Variants in ANO3 observed in about 807,000 individuals in gnomAD.
ANO3 encodes anoctamin 3.
In ANO3, 99 loss-of-function variants were observed where a neutral mutation model predicts 144.8. The observed-to-expected ratio is 0.68, with a 90% CI of 0.58 to 0.81. The LOEUF (loss-of-function observed/expected upper bound fraction) is 0.81, where lower values mean the gene tolerates loss of function less well. ANO3 is among the 30% of genes least tolerant of loss of function. ANO3 has a pLI of 0.00. For synonymous variants in ANO3, 414 were observed against 392.6 expected, an observed-to-expected ratio of 1.05 and a Z score of -0.64; for missense variants, 905 against 1,202.2, an observed-to-expected ratio of 0.75 and a Z score of 3.66.
At chr11:26,378,180 G>A (rs1284015721) in intron 1 of ANO3, among the ~76,000 whole-genome samples, 3 of 151,498 alleles carry the variant, frequency 2.0e-5, no homozygotes, top group Non-Finnish European at 4.4e-5. Flanking sequence ...TCTTGGGCTG[G>A]TAAATAAATA....
At chr11:26,389,880 T>A (rs1480780309) in intron 1 of ANO3, among the ~76,000 whole-genome samples, 1 of 152,140 alleles carries the variant, frequency 6.6e-6, no homozygotes, top group Non-Finnish European at 1.5e-5. Flanking sequence ...GATGTATTTT[T>A]AATATATAAT....
At chr11:26,224,204 G>A (rs897127565) in intron 1 of ANO3, among the ~76,000 whole-genome samples, 1 of 152,134 alleles carries the variant, frequency 6.6e-6, no homozygotes, top group African/African-American at 2.4e-5. Context: ...AGGCACTGGG[G>A]CACACACCAA....
intron 1 of ANO3, among the ~76,000 whole-genome samples, chr11:26,201,559 G>A (rs1851693025): frequency 6.6e-6 from 1 of 151,952 alleles, no homozygotes; most frequent in Non-Finnish European, 1.5e-5. Context: ...CATATGAAGA[G>A]CTGACTGACT....
At chr11:26,541,169 A>G (rs747166902) in intron 10 of ANO3, among the ~76,000 whole-genome samples, 4 of 152,186 alleles carry the variant, frequency 2.6e-5, no homozygotes, top group African/African-American at 7.2e-5. Context: ...GCTGGAAACC[A>G]TCATTCTCAG....
chr11:26,210,477 G>A (rs1005239192), intron 1 of ANO3, among the ~76,000 whole-genome samples: 1 of 152,078 alleles, frequency 6.6e-6, no homozygotes, highest in Non-Finnish European at 1.5e-5. Context: ...GCTCTTTTTG[G>A]TTCCATATAA....
At chr11:26,288,230 T>C (rs1304604134) in intron 1 of ANO3, among the ~76,000 whole-genome samples, 2 of 152,086 alleles carry the variant, frequency 1.3e-5, no homozygotes, top group Non-Finnish European at 2.9e-5. Flanking sequence ...GGCCAGTGAA[T>C]TTAGAGGTGG....
intron 1 of ANO3, chr11:26,285,678 G>A (rs909399329): frequency 2.0e-5 from 3 of 152,176 alleles, no homozygotes; most frequent in Admixed American, 6.5e-5. Flanking sequence ...ACCACTTGCT[G>A]TGCTAATCAC....
At chr11:26,211,605 T>A (rs1301897660) in intron 1 of ANO3, among the ~76,000 whole-genome samples, 1 of 152,152 alleles carries the variant, frequency 6.6e-6, no homozygotes, top group Non-Finnish European at 1.5e-5. Context: ...GCTTTTACAA[T>A]GTTGGTGGGC....
At chr11:26,309,771 T>C (rs2133869644) in intron 1 of ANO3, 1 of 903,734 alleles carries the variant, frequency 1.1e-6, no homozygotes, top group Non-Finnish European at 1.3e-6. Context: ...TGTTCTTCAA[T>C]ATAATGTGGT....
intron 1 of ANO3, among the ~76,000 whole-genome samples, chr11:26,410,355 A>C (rs188206447): frequency 6.6e-6 from 1 of 152,154 alleles, no homozygotes; most frequent in Non-Finnish European, 1.5e-5. Context: ...GGACAGAAGC[A>C]AGGAAGTCTA....
upstream of ANO3, chr11:26,332,101 T>G: frequency 6.8e-7 from 1 of 1,479,770 alleles, no homozygotes; most frequent in Non-Finnish European, 8.9e-7. Flanking sequence ...CGCGTTCCCA[T>G]GACAACGACA....
intron 1 of ANO3, among the ~76,000 whole-genome samples, chr11:26,361,035 A>T (rs1855912817): frequency 6.6e-6 from 1 of 152,150 alleles, no homozygotes; most frequent in African/African-American, 2.4e-5. Context: ...TTAACTTTAT[A>T]CTCAGCATGT....
intron 1 of ANO3, among the ~76,000 whole-genome samples, chr11:26,324,414 G>A (rs1417636926): frequency 2.6e-5 from 4 of 152,136 alleles, no homozygotes; most frequent in Non-Finnish European, 4.4e-5. Flanking sequence ...CCCTCAGCAA[G>A]AAGTGGAAGA....
At chr11:26,319,661 T>C (rs1166781413) in intron 1 of ANO3, among the ~76,000 whole-genome samples, 1 of 152,186 alleles carries the variant, frequency 6.6e-6, no homozygotes, top group East Asian at 1.9e-4. Context: ...ACATATCCTA[T>C]AAAAATAGGT....
rs1456911282 is a variant in ANO3 at position 26,609,366 on chromosome 11, A to AG, written c.1836+9654dup. Reference sequence around the variant, plus strand: ...ATGCAGGATTCACATGCTATCCTGCAGGTGCAGGATATCACATGCAGGATT... The same window carrying AG: ...ATGCAGGATTCACATGCTATCCTGCAGGGTGCAGGATATCACATGCAGGATT... On this transcript the variant is annotated intron_variant, in intron 17 of 26. Transcript: ENST00000256737. Among the ~76,000 whole-genome samples, 3 of 151,930 alleles carry AG rather than the reference A, an allele frequency of 2.0e-5. No homozygotes were observed. In the East Asian group the frequency reaches 5.9e-4, roughly 30 times the overall value.
intron 1 of ANO3, among the ~76,000 whole-genome samples, chr11:26,226,183 T>C (rs189523949): frequency 9.1e-4 from 138 of 152,234 alleles, no homozygotes; most frequent in African/African-American, 3.2e-3. Flanking sequence ...TTAAGTCATA[T>C]AGGCAAGAAT....
At chr11:26,566,369 A>C (rs190361512) in intron 14 of ANO3, among the ~76,000 whole-genome samples, 248 of 152,162 alleles carry the variant, frequency 1.6e-3, no homozygotes, top group African/African-American at 5.3e-3. Flanking sequence ...TATGAAAATG[A>C]CATTACTGAC....
At chr11:26,530,263 C>T (rs950197060) in intron 7 of ANO3, among the ~76,000 whole-genome samples, 8 of 152,168 alleles carry the variant, frequency 5.3e-5, no homozygotes, top group Non-Finnish European at 7.4e-5. Context: ...TACAAGTTTA[C>T]GTGGCTAGCA....
intron 1 of ANO3, among the ~76,000 whole-genome samples, chr11:26,266,102 G>C (rs545976416): frequency 6.6e-6 from 1 of 152,140 alleles, no homozygotes; most frequent in Admixed American, 6.5e-5. Context: ...TTTCTAACTA[G>C]ATATTTACGC....
Sources: gnomAD v4.1 joint callset for allele counts (sites outside exome capture counted in the v4.1 genomes callset) on GRCh38, gnomAD v4.1.1 for gene constraint, MANE v1.5 for transcripts, NCBI Gene and HGNC (gene_info 2026-07-23, HGNC 2026-07-21) for gene names.